GLG1: variants seen among roughly 807,000 people sequenced by gnomAD.
GLG1 encodes Golgi apparatus protein 1.
In GLG1, 38 loss-of-function variants were observed where a neutral mutation model predicts 160.5. The observed-to-expected ratio is 0.24, with a 90% confidence interval of 0.18 to 0.31. The LOEUF is 0.31. Among genes scored for constraint, GLG1 ranks in the 10% least tolerant of loss-of-function variants. The pLI is 1.00. For missense variants in GLG1, 1,373 were observed against 1,505.2 expected (o/e 0.91, Z 1.45); for synonymous variants, 644 against 543.4 (o/e 1.19, Z -2.57).
In GLG1 at chr16:74,501,494, T is replaced by G. The variant is rs923768280; in HGVS notation, c.774+2037A>C. Among the ~76,000 whole-genome samples the G allele has an allele frequency of 9.2e-5, 14 of 152,348 alleles. 2 individuals are homozygous for G. ...TGCCTTTTGGCTCCAGCAGTACTAT[T>G]TTCTGCAATCGTTTCAGTCACTACA... On this transcript the variant is annotated intron_variant, in intron 4 of 25. Transcript: ENST00000422840.
In GLG1 at chr16:74,467,739, G is replaced by C. The variant is rs778101314; in HGVS notation, c.2529+17C>G. ...TCACATTACTTTTACAATTACAAAAGAAAAGCAAAAAGTTACCTGAGCGTT... is the reference window on the plus strand; with the variant it reads ...TCACATTACTTTTACAATTACAAAACAAAAGCAAAAAGTTACCTGAGCGTT... On this transcript the variant is annotated intron_variant, in intron 18 of 25. Transcript: ENST00000422840. The C allele has an allele frequency of 6.5e-7, 1 of 1,531,450 alleles. No homozygotes were observed. Among genetic ancestry groups the C allele is most frequent in the South Asian group, 1.1e-5 (1 of 87,800 alleles). The allele number at this position is 1,531,450 out of a possible 1,614,324, so 94.9% of individuals were successfully genotyped here.
At chr16:74,502,722 G>GTTTTTGTT (rs2016451718) in intron 4 of GLG1, among the ~76,000 whole-genome samples, 1 of 109,588 alleles carries the variant, frequency 9.1e-6, no homozygotes. Flanking sequence ...TTTGTTTTTG[G>GTTTTTGTT]TTTTTTTTTT....
chr16:74,470,820 C>T (rs1219971107), intron 15 of GLG1, among the ~76,000 whole-genome samples: 2 of 151,330 alleles, frequency 1.3e-5, no homozygotes, highest in African/African-American at 2.4e-5. Context: ...AGCGCAGTGG[C>T]GATCTCGGCT....
rs1295659264 is a variant in GLG1, at chr16:74,463,541, C to A, written c.2668-62G>T. 7 of 1,559,738 alleles carry A rather than the reference C, an allele frequency of 4.5e-6. No homozygotes were observed. The East Asian group carries it at 9.0e-5, about 20-fold the overall frequency. Reference sequence around the variant, plus strand: ...ACATGGCGATTAACTCCATCTGCGACCACTTTTTTTTTTCTGGAGACGGAG... The same window carrying A: ...ACATGGCGATTAACTCCATCTGCGAACACTTTTTTTTTTCTGGAGACGGAG... On this transcript the variant is annotated intron_variant, in intron 19 of 25. Transcript: ENST00000422840.
chr16:74,543,405 A>G (rs1052758487), intron 1 of GLG1, among the ~76,000 whole-genome samples: 113 of 152,362 alleles, frequency 7.4e-4, no homozygotes, highest in African/African-American at 2.6e-3. Context: ...AGTTGGAGGC[A>G]GTAATGTGTT....
At chr16:74,553,261 T>C (rs1469465302) in intron 1 of GLG1, among the ~76,000 whole-genome samples, 1 of 151,760 alleles carries the variant, frequency 6.6e-6, no homozygotes, top group African/African-American at 2.4e-5. Context: ...AGGGTCTCGC[T>C]ATGTTGCCCA....
chr16:74,510,760 AAGG>A (rs1278784622), intron 2 of GLG1, among the ~76,000 whole-genome samples: 1 of 152,182 alleles, frequency 6.6e-6, no homozygotes, highest in Non-Finnish European at 1.5e-5. Flanking sequence ...GATAAAACAT[AAGG>A]AGAAGGACAA....
intron 3 of GLG1, among the ~76,000 whole-genome samples, chr16:74,506,571 G>A: frequency 2.9e-5 from 1 of 34,526 alleles, no homozygotes; most frequent in Admixed American, 5.3e-4. Flanking sequence ...TACAGAGCAA[G>A]ACTCCGTCTC....
rs530723166 is a variant in GLG1, at chr16:74,549,625, T to C, written c.439-17472A>G. ...TTTTATACATAGTGCCTAGCACAGCTAGCATAGCACGTTCAATATTTGCTC... is the reference window on the plus strand; with the variant it reads ...TTTTATACATAGTGCCTAGCACAGCCAGCATAGCACGTTCAATATTTGCTC... On this transcript the variant is annotated intron_variant, in intron 1 of 25. Transcript: ENST00000422840. Among the ~76,000 whole-genome samples, 103 of 152,204 alleles carry C rather than the reference T, an allele frequency of 6.8e-4. 1 individual carries two copies. In the East Asian group the frequency reaches 0.014, roughly 21 times the overall value.
intron 4 of GLG1, among the ~76,000 whole-genome samples, chr16:74,501,853 G>T (rs559866231): frequency 6.6e-6 from 1 of 152,180 alleles, no homozygotes; most frequent in Non-Finnish European, 1.5e-5. Flanking sequence ...AAAACACTGC[G>T]TTCTTTATTA....
chr16:74,554,724 A>C (rs572609761), intron 1 of GLG1, among the ~76,000 whole-genome samples: 6 of 152,184 alleles, frequency 3.9e-5, no homozygotes, highest in Non-Finnish European at 7.3e-5. Context: ...ATTTTGGTGG[A>C]TATATCTAAT....
At chr16:74,530,145 G>C (rs1482943478) in intron 2 of GLG1, among the ~76,000 whole-genome samples, 1 of 151,704 alleles carries the variant, frequency 6.6e-6, no homozygotes, top group Non-Finnish European at 1.5e-5. Context: ...CTTTTTTCTG[G>C]GTTTCTCTTC....
At chr16:74,479,929 T>G (rs1298125868) in intron 11 of GLG1, among the ~76,000 whole-genome samples, 2 of 152,154 alleles carry the variant, frequency 1.3e-5, no homozygotes, top group East Asian at 3.8e-4. Flanking sequence ...AATGGATCCT[T>G]AAACCTAAAT....
At chr16:74,555,826 C>T (rs1162183664) in intron 1 of GLG1, among the ~76,000 whole-genome samples, 2 of 150,138 alleles carry the variant, frequency 1.3e-5, no homozygotes, top group Admixed American at 6.6e-5. Flanking sequence ...GGTGATAATT[C>T]ATCTTTTTTT....
At chr16:74,593,280 T>C (rs999640589) in intron 1 of GLG1, among the ~76,000 whole-genome samples, 1 of 152,208 alleles carries the variant, frequency 6.6e-6, no homozygotes, top group Non-Finnish European at 1.5e-5. Context: ...ATTACACCCC[T>C]TTCTGCATCG....
chr16:74,459,703 G>T lies in GLG1; in HGVS notation c.3123C>A (p.Ile1041=). ...TTACCTTTTTACACAATTCTGTTTT[G>T]ATCTTGAGCAGGTTGACCTTGAGGC... ...EECLKVNLLK[I]KTELCKKEVL... Residue 1041 remains isoleucine, a synonymous_variant, in exon 23 of 26, where the codon ATC becomes ATA. Coordinates refer to ENST00000422840, the MANE Select transcript of GLG1 (RefSeq NM_001145667.2). 6.3e-7 allele frequency: 1 copy of T among 1,578,788 alleles called. No homozygotes were observed. The highest frequency in any genetic ancestry group is 1.1e-5 in the South Asian group (1 of 89,694).
intron 21 of GLG1, 130 bp downstream of exon 21, chr16:74,462,357 GC>G (rs1004008145): frequency 3.4e-6 from 3 of 889,844 alleles, no homozygotes; most frequent in Non-Finnish European, 3.6e-6. Context: ...TGGCCCCTTA[GC>G]CCCCCAGGTT....
chr16:74,606,937 G>C lies in GLG1; in HGVS notation c.158C>G (p.Ala53Gly). Residue 53 changes from alanine to glycine, a missense_variant, in exon 1 of 26, where the codon GCC becomes GGC. Around this residue, in one of 4 missense-constraint regions of GLG1, gnomAD observed 322 missense variants for 254.6 expected, o/e 1.26. Coordinates refer to ENST00000422840, the MANE Select transcript of GLG1 (RefSeq NM_001145667.2). ...GANFVSFVGQ[A>G]GGGGPAGQQL... ...CTGACCCGCCGGGCCGCCGCCTCCG[G>C]CCTGCCCTACGAAGGACACAAAGTT... 6.2e-7 allele frequency: 1 copy of C among 1,608,362 alleles called. No homozygotes were observed. Among genetic ancestry groups the C allele is most frequent in the Non-Finnish European group, 8.5e-7 (1 of 1,178,750 alleles).
intron 2 of GLG1, among the ~76,000 whole-genome samples, chr16:74,515,396 G>A (rs895535473): frequency 6.6e-6 from 1 of 152,198 alleles, no homozygotes; most frequent in African/African-American, 2.4e-5. Context: ...ATAATTGGAA[G>A]TAGAACACTC....
Sources: gnomAD v4.1 joint callset for allele counts (sites outside exome capture counted in the v4.1 genomes callset) on GRCh38, gnomAD v4.1.1 for gene constraint, gnomAD v4.1.1 regional missense constraint, MANE v1.5 for transcripts, NCBI Gene and HGNC (gene_info 2026-07-23, HGNC 2026-07-21) for gene names.